The following DCBLD2 variants were observed in gnomAD, a reference collection of about 807,000 sequenced individuals.
The protein encoded by DCBLD2 is discoidin, CUB and LCCL domain containing 2.
DCBLD2 carries 54 observed loss-of-function variants against 86.8 expected under a neutral mutation model. That is an observed-to-expected ratio of 0.62 (90% CI 0.50 to 0.78). DCBLD2 has a LOEUF of 0.78. Ranked by LOEUF, DCBLD2 falls within the 30% of genes least tolerant of loss-of-function variation. DCBLD2 has a pLI of 0.00. For synonymous variants in DCBLD2, 354 were observed against 341.3 expected, an observed-to-expected ratio of 1.04 and a Z score of -0.41; for missense variants, 908 against 954.2, an observed-to-expected ratio of 0.95 and a Z score of 0.64.
intron 1 of DCBLD2, among the ~76,000 whole-genome samples, chr3:98,892,305 T>A (rs1822019): frequency 0.98 from 149,592 of 152,136 alleles, 73,600 homozygotes; most frequent in Middle Eastern, 1. Flanking sequence ...AATACAGTGG[T>A]CTCTTTATAA....
chr3:98,864,148 A>C (rs1357403510), intron 2 of DCBLD2, among the ~76,000 whole-genome samples: 3 of 152,220 alleles, frequency 2.0e-5, no homozygotes, highest in Non-Finnish European at 2.9e-5. Flanking sequence ...TCAAAACCAC[A>C]ATGAGATACC....
chr3:98,796,252 A>AAAAAC lies in DCBLD2; in HGVS notation c.*3115_*3119dup, dbSNP rs1553722044. 4 of 151,830 alleles carry AAAAAC rather than the reference A, an allele frequency of 2.6e-5. No individual in the cohort carries two copies. Among genetic ancestry groups the AAAAAC allele is most frequent in the Admixed American group, 2.0e-4 (3 of 15,152 alleles). The allele number at this position is 151,830 out of a possible 1,614,324, so 9.4% of individuals were successfully genotyped here. A position where few individuals can be genotyped will look rare whatever the true frequency, so the allele number is the denominator to read the frequency against. The stretch of plus-strand genomic sequence containing the variant: ...TTCCCAGTGCCACACACACACACAC[A>AAAAAC]AAAACAAAACAAAACAAAAAAAAAC... On this transcript the variant is annotated 3_prime_UTR_variant, in exon 16 of 16. Coordinates refer to ENST00000326840, the MANE Select transcript of DCBLD2 (RefSeq NM_080927.4).
chr3:98,835,553 C>CTT (rs1256169506), intron 3 of DCBLD2, among the ~76,000 whole-genome samples: 4 of 142,072 alleles, frequency 2.8e-5, no homozygotes, highest in African/African-American at 1.0e-4. Flanking sequence ...TTTTTTTCTT[C>CTT]TTTTTTTTTT....
chr3:98,886,787 T>C (rs1382344751), intron 1 of DCBLD2, among the ~76,000 whole-genome samples: 1 of 148,478 alleles, frequency 6.7e-6, no homozygotes, highest in Non-Finnish European at 1.5e-5. Flanking sequence ...AATTTTGATA[T>C]TATTACAGGA....
chr3:98,839,207 CTTT>C (rs1559781688), intron 3 of DCBLD2, among the ~76,000 whole-genome samples: 119 of 148,190 alleles, frequency 8.0e-4, no homozygotes, highest in African/African-American at 2.7e-3. Flanking sequence ...TTCCTTCCTT[CTTT>C]CTTTCCTTCT....
Position 98,799,906 on chromosome 3 carries a change from G to C in DCBLD2, c.1859-65C>G, listed in dbSNP as rs184549902. 8.6e-5 allele frequency: 115 copies of C among 1,340,680 alleles called. No homozygotes were observed. The African/African-American group carries it at 1.5e-3, about 17-fold the overall frequency. The allele number at this position is 1,340,680 out of a possible 1,614,324, so 83.0% of individuals were successfully genotyped here. ...GTAAAGAGATTGCATAATTTAGGGT[G>C]GCAGCTGCAGATTATACTAAAAGCA... On this transcript the variant is annotated intron_variant, in intron 15 of 15. Transcript: ENST00000326840.
chr3:98,874,197 G>A (rs1210820189), intron 2 of DCBLD2, among the ~76,000 whole-genome samples: 1 of 152,146 alleles, frequency 6.6e-6, no homozygotes, highest in African/African-American at 2.4e-5. Context: ...AATTTTTCCA[G>A]AGAACTAAAA....
chr3:98,850,753 A>G (rs565223237), intron 2 of DCBLD2, among the ~76,000 whole-genome samples: 167 of 150,126 alleles, frequency 1.1e-3, no homozygotes, highest in Admixed American at 3.0e-3. Context: ...CAAATAAAAC[A>G]AAACAAAACC....
Position 98,804,117 on chromosome 3 carries a change from A to G in DCBLD2, c.1671-2468T>C, listed in dbSNP as rs546778359. Reference sequence around the variant, plus strand: ...TATTGATTGGAATACTTTCAGAAAGAATGGTACCAGCTCCTCCTTGTACCT... The same window carrying G: ...TATTGATTGGAATACTTTCAGAAAGGATGGTACCAGCTCCTCCTTGTACCT... On this transcript the variant is annotated intron_variant, in intron 13 of 15. Coordinates refer to ENST00000326840, the MANE Select transcript of DCBLD2 (RefSeq NM_080927.4). Among the ~76,000 whole-genome samples the G allele has an allele frequency of 5.3e-5, 8 of 152,346 alleles. No individual in the cohort carries two copies. The South Asian group carries it at 1.7e-3, about 32-fold the overall frequency.
At chr3:98,858,902 C>T (rs1469801126) in intron 2 of DCBLD2, among the ~76,000 whole-genome samples, 9 of 152,136 alleles carry the variant, frequency 5.9e-5, no homozygotes, top group African/African-American at 2.2e-4. Context: ...TGGGTGATTT[C>T]TGCATTTCCA....
intron 1 of DCBLD2, among the ~76,000 whole-genome samples, chr3:98,892,210 G>A (rs984258015): frequency 1.3e-5 from 2 of 152,016 alleles, no homozygotes; most frequent in Non-Finnish European, 2.9e-5. Context: ...CCAGTATACT[G>A]GTGAGGATGC....
At chr3:98,820,853 CA>C (rs1301501796) in intron 6 of DCBLD2, 4 of 148,380 alleles carry the variant, frequency 2.7e-5, no homozygotes, top group Non-Finnish European at 5.9e-5. Context: ...ACATACAAAC[CA>C]TTACAAGAGG....
intron 2 of DCBLD2, among the ~76,000 whole-genome samples, chr3:98,870,810 A>G (rs78226267): frequency 0.044 from 5,758 of 131,382 alleles, 181 homozygotes; most frequent in African/African-American, 0.065. Flanking sequence ...AGAAAGAAAG[A>G]AAGGTAGGCA....
chr3:98,869,436 C>T (rs904778675), intron 2 of DCBLD2, among the ~76,000 whole-genome samples: 4 of 152,172 alleles, frequency 2.6e-5, no homozygotes, highest in African/African-American at 7.2e-5. Flanking sequence ...CTGTACAAAG[C>T]TTTTCAGTTT....
At chr3:98,880,390 T>C (rs963563123) in intron 2 of DCBLD2, among the ~76,000 whole-genome samples, 10 of 152,348 alleles carry the variant, frequency 6.6e-5, no homozygotes, top group African/African-American at 2.4e-4. Flanking sequence ...TTCCTAATTT[T>C]ATAATGTTAG....
At chr3:98,881,267 A>AC (rs1491360096) in intron 2 of DCBLD2, among the ~76,000 whole-genome samples, 53 of 62,654 alleles carry the variant, frequency 8.5e-4, no homozygotes, top group Middle Eastern at 7.0e-3. Context: ...AAAAAAAAAC[A>AC]AAAAAAAAAA....
At position 98,839,174 on chromosome 3, in the gene DCBLD2, T is replaced by TCC. The variant is rs1383562466; in HGVS notation, c.571+10286_571+10287insGG. On this transcript the variant is annotated intron_variant, in intron 3 of 15. Transcript: ENST00000326840. Reference sequence around the variant, plus strand: ...TTCTTTCTTTCTTTCTTTCTTTCCTTTCTTTCTTCCTTCCTTCCTTCCTTC... The same window carrying TCC: ...TTCTTTCTTTCTTTCTTTCTTTCCTTCCTCTTTCTTCCTTCCTTCCTTCCTTC... Among the ~76,000 whole-genome samples the TCC allele has an allele frequency of 5.7e-3, 354 of 61,802 alleles. 7 individuals are homozygous for TCC. Among genetic ancestry groups the TCC allele is most frequent in the East Asian group, 0.018 (45 of 2,502 alleles). The allele number at this position is 61,802 out of a possible 152,430, so 40.5% of individuals were successfully genotyped here.
intron 1 of DCBLD2, among the ~76,000 whole-genome samples, chr3:98,888,480 T>C (rs1007266772): frequency 2.6e-5 from 4 of 152,034 alleles, no homozygotes; most frequent in African/African-American, 9.7e-5. Context: ...TGCTGCTAAA[T>C]CACAGTTTTG....
chr3:98,804,084 T>A (rs1941783882), intron 13 of DCBLD2, among the ~76,000 whole-genome samples: 1 of 152,228 alleles, frequency 6.6e-6, no homozygotes, highest in Non-Finnish European at 1.5e-5. Flanking sequence ...GAGGATTCCC[T>A]CTTTTTCTAT....
Sources: gnomAD v4.1 joint callset for allele counts (sites outside exome capture counted in the v4.1 genomes callset) on GRCh38, gnomAD v4.1.1 for gene constraint, MANE v1.5 for transcripts, NCBI Gene and HGNC (gene_info 2026-07-23, HGNC 2026-07-21) for gene names.